CFAP69: variants seen among roughly 807,000 people sequenced by gnomAD.
CFAP69 encodes cilia and flagella associated protein 69, also known as cilia- and flagella-associated protein 69.
In CFAP69, 92 loss-of-function variants were observed where a neutral mutation model predicts 123.0. That is an observed-to-expected ratio of 0.75 (90% confidence interval 0.63 to 0.89). CFAP69 has a LOEUF of 0.89. Among genes scored for constraint, CFAP69 ranks in the 40% least tolerant of loss-of-function variants. The probability of loss-of-function intolerance (pLI) is 0.00; values close to 1 mark genes in which losing one functional copy is unlikely to be tolerated. For synonymous variants in CFAP69, 380 were observed against 364.3 expected, an observed-to-expected ratio of 1.04 and a Z score of -0.49; for missense variants, 1,067 against 1,096.9, an observed-to-expected ratio of 0.97 and a Z score of 0.39.
downstream of CFAP69, among the ~76,000 whole-genome samples, chr7:90,314,869 C>G (rs2157791): frequency 0.29 from 43,210 of 151,496 alleles, 7,193 homozygotes; most frequent in East Asian, 0.68. Context: ...ATCGCTCCCC[C>G]CCCTGCTTTA....
At chr7:90,280,306 T>C (rs1330291214) in intron 12 of CFAP69, among the ~76,000 whole-genome samples, 3 of 152,110 alleles carry the variant, frequency 2.0e-5, no homozygotes, top group Non-Finnish European at 4.4e-5. Context: ...CTAGCGATCC[T>C]CCCACCCCAG....
chr7:90,258,064 G>T, intron 2 of CFAP69, 34 bp from the exon 3 acceptor site: 1 of 1,519,222 alleles, frequency 6.6e-7, no homozygotes, highest in Non-Finnish European at 9.0e-7. Context: ...AGATTTAAAA[G>T]CACAAAAGAA....
downstream of CFAP69, among the ~76,000 whole-genome samples, chr7:90,315,445 T>C (rs1794713900): frequency 6.6e-6 from 1 of 152,194 alleles, no homozygotes; most frequent in Non-Finnish European, 1.5e-5. Flanking sequence ...AGATCATGTC[T>C]TTTGCAAGAA....
chr7:90,274,097 A>G lies in CFAP69; in HGVS notation c.971A>G (p.Glu324Gly). 1.3e-6 allele frequency: 2 copies of G among 1,594,662 alleles called. No individual in the cohort carries two copies. The highest frequency in any genetic ancestry group is 1.7e-6 in the Non-Finnish European group (2 of 1,173,830). The stretch of plus-strand genomic sequence containing the variant: ...ACTACAATTATAGCTCAAAATCCTG[A>G]AGCACCAATGATTGTAAGTATGAAT... Reference protein sequence around the residue: ...VITTIIAQNPEAPMIECGFTK... With the variant: ...VITTIIAQNPGAPMIECGFTK... The change falls in exon 9 of 23, where the codon GAA (glutamate) becomes GGA (glycine). Residue 324 changes from glutamate (E) to glycine (G), a missense_variant. Coordinates refer to ENST00000389297, the MANE Select transcript of CFAP69 (RefSeq NM_001039706.3).
chr7:90,252,845 T>A (rs1258217122), intron 1 of CFAP69, among the ~76,000 whole-genome samples: 24 of 152,120 alleles, frequency 1.6e-4, no homozygotes, highest in Non-Finnish European at 2.2e-4. Flanking sequence ...TCAGAATATA[T>A]GAATTTGTAA....
At chr7:90,318,071 A>C in the CFAP69 span, 1 of 152,194 alleles carries the variant, frequency 6.6e-6, no homozygotes, top group Non-Finnish European at 1.5e-5. Context: ...AAACAGACCA[A>C]ATTTATAGGC....
the CFAP69 span, chr7:90,317,962 G>A: frequency 6.6e-6 from 1 of 152,130 alleles, no homozygotes; most frequent in Non-Finnish European, 1.5e-5. Flanking sequence ...CTTTGTCCTG[G>A]AAAAGGCTGG....
rs368811506 is a variant in CFAP69 at position 90,304,794 on chromosome 7, A to G, written c.2239A>G (p.Ile747Val). ...LSAEDFVTLCIIHRYLDFKIG... is the reference protein window; with the variant it reads ...LSAEDFVTLCVIHRYLDFKIG... ...TGCTGAAGATTTTGTCACCCTTTGT[A>G]TCATACATAGATATCTTGATTTTAA... is the stretch of plus-strand genomic sequence containing the variant. The change falls in exon 19 of 23, where the codon ATC becomes GTC. Residue 747 changes from isoleucine (I) to valine (V), a missense_variant. Ile to Val is a conservative substitution (Grantham distance 29, BLOSUM62 3). Transcript: ENST00000389297. 3 of 1,535,368 alleles carry G rather than the reference A, an allele frequency of 2.0e-6. No homozygotes were observed. Among genetic ancestry groups the G allele is most frequent in the Non-Finnish European group, 2.7e-6 (3 of 1,115,256 alleles).
intron 1 of CFAP69, among the ~76,000 whole-genome samples, chr7:90,251,052 C>T (rs1391117079): frequency 6.6e-6 from 1 of 152,054 alleles, no homozygotes; most frequent in African/African-American, 2.4e-5. Flanking sequence ...CAGTCTTCTC[C>T]CAGTCTACCT....
At chr7:90,319,353 A>G in the CFAP69 span, 8 of 398,486 alleles carry the variant, frequency 2.0e-5, no homozygotes, top group African/African-American at 1.6e-4. Flanking sequence ...ACACATTTAA[A>G]TTACCTCCTG....
chr7:90,300,340 G>C, intron 17 of CFAP69: 1 of 909,112 alleles, frequency 1.1e-6, no homozygotes, highest in Non-Finnish European at 1.3e-6. Flanking sequence ...TGCTTCTTTG[G>C]GTTTTCTGCT....
chr7:90,261,647 C>A (rs1310904798), intron 3 of CFAP69, among the ~76,000 whole-genome samples: 4 of 152,064 alleles, frequency 2.6e-5, no homozygotes, highest in Non-Finnish European at 5.9e-5. Context: ...TTACTCATTG[C>A]CAGTGGGAAG....
Position 90,307,024 on chromosome 7 carries a change from G to T in CFAP69, c.2389G>T (p.Ala797Ser). The change falls in exon 20 of 23, where the codon GCT (alanine) becomes TCT (serine). Residue 797 changes from alanine (A) to serine (S), a missense_variant. Ala to Ser is a moderately conservative substitution (Grantham distance 99). Coordinates refer to ENST00000389297, the MANE Select transcript of CFAP69 (RefSeq NM_001039706.3). Reference sequence around the variant, plus strand: ...ATCAGAAAATATTGGAAAGATGGTTGCTTCTCTGCAAAGTGATATAATTGA... The same window carrying T: ...ATCAGAAAATATTGGAAAGATGGTTTCTTCTCTGCAAAGTGATATAATTGA... ...TASENIGKMV[A>S]SLQSDIIESQ... 1 of 1,613,534 alleles carries T rather than the reference G, an allele frequency of 6.2e-7. No homozygotes were observed. Among genetic ancestry groups the T allele is most frequent in the Non-Finnish European group, 8.5e-7 (1 of 1,179,800 alleles).
intron 15 of CFAP69, among the ~76,000 whole-genome samples, chr7:90,297,475 T>A (rs1039832276): frequency 9.9e-5 from 15 of 152,142 alleles, no homozygotes; most frequent in African/African-American, 3.6e-4. Context: ...CTAAGAATAA[T>A]TAATATCATG....
intron 14 of CFAP69, among the ~76,000 whole-genome samples, chr7:90,287,145 A>T (rs17863062): frequency 0.028 from 4,188 of 151,546 alleles, 90 homozygotes; most frequent in South Asian, 0.11. Context: ...TCAATAATTC[A>T]TTTCTTTTTA....
chr7:90,245,514 T>C lies in CFAP69; in HGVS notation c.90T>C (p.Val30=). ...KSSSSSQIPV[V]GVVTEDDEAQ... ...GCAGTTCCAGTCAAATCCCGGTGGT[T>C]GGGGTGGTGACGGAGGACGATGAGG... The change falls in exon 1 of 23, where the codon GTT becomes GTC. Residue 30 remains valine, a synonymous_variant. Coordinates refer to ENST00000389297, the MANE Select transcript of CFAP69 (RefSeq NM_001039706.3). 1 of 1,522,694 alleles carries C rather than the reference T, an allele frequency of 6.6e-7. No individual in the cohort carries two copies. The highest frequency in any genetic ancestry group is 8.8e-7 in the Non-Finnish European group (1 of 1,138,608). The allele number at this position is 1,522,694 out of a possible 1,614,324, so 94.3% of individuals were successfully genotyped here. A position where few individuals can be genotyped will look rare whatever the true frequency, so the allele number is the denominator to read the frequency against.
At chr7:90,289,065 T>C (rs958018998) in intron 15 of CFAP69, among the ~76,000 whole-genome samples, 2 of 152,064 alleles carry the variant, frequency 1.3e-5, no homozygotes, top group African/African-American at 4.8e-5. Context: ...TTGTTAAACA[T>C]TTTGTTAAAA....
At chr7:90,261,249 A>ATTTTTAGT (rs1354284964) in intron 3 of CFAP69, among the ~76,000 whole-genome samples, 1 of 152,076 alleles carries the variant, frequency 6.6e-6, no homozygotes, top group Non-Finnish European at 1.5e-5. Flanking sequence ...CGAATTTTGT[A>ATTTTTAGT]TTTTTAGTAG....
chr7:90,291,318 A>G (rs1175070730), intron 15 of CFAP69, among the ~76,000 whole-genome samples: 3 of 152,074 alleles, frequency 2.0e-5, no homozygotes, highest in African/African-American at 7.2e-5. Context: ...TTGCCATGGC[A>G]TTTGTAAACT....
Sources: gnomAD v4.1 joint callset for allele counts (sites outside exome capture counted in the v4.1 genomes callset) on GRCh38, gnomAD v4.1.1 for gene constraint, MANE v1.5 for transcripts, NCBI Gene and HGNC (gene_info 2026-07-23, HGNC 2026-07-21) for gene names.